ADAM22: variants seen among roughly 807,000 people sequenced by gnomAD.
ADAM22 encodes the protein ADAM metallopeptidase domain 22, also known as disintegrin and metalloproteinase domain-containing protein 22.
Under a neutral mutation model 144.6 loss-of-function variants are expected in ADAM22, and 65 were observed. That is an observed-to-expected ratio of 0.45 (90% CI 0.37 to 0.55). The LOEUF (loss-of-function observed/expected upper bound fraction) is 0.55, where lower values mean the gene tolerates loss of function less well. ADAM22 is among the 20% of genes least tolerant of loss of function. ADAM22 has a pLI of 0.00. For synonymous variants in ADAM22, 391 were observed against 412.6 expected, an observed-to-expected ratio of 0.95 and a Z score of 0.63; for missense variants, 974 against 1,184.9, an observed-to-expected ratio of 0.82 and a Z score of 2.61.
chr7:88,106,937 G>A (rs1824551872), intron 4 of ADAM22, among the ~76,000 whole-genome samples: 1 of 152,078 alleles, frequency 6.6e-6, no homozygotes, highest in African/African-American at 2.4e-5. Flanking sequence ...ATCTCTCTTA[G>A]TAGAATTTTA....
At chr7:88,025,244 G>C (rs142381800) in intron 3 of ADAM22, among the ~76,000 whole-genome samples, 253 of 152,234 alleles carry the variant, frequency 1.7e-3, no homozygotes, top group Middle Eastern at 0.01. Flanking sequence ...TTATTGAGTT[G>C]TTTGAGCTCC....
At chr7:87,989,851 G>A (rs1472803159) in intron 3 of ADAM22, among the ~76,000 whole-genome samples, 1 of 152,038 alleles carries the variant, frequency 6.6e-6, no homozygotes, top group Non-Finnish European at 1.5e-5. Context: ...GGGAGGTGGA[G>A]TTTGCAGTGA....
chr7:88,153,616 A>G (rs778302068), intron 21 of ADAM22, among the ~76,000 whole-genome samples: 3 of 152,148 alleles, frequency 2.0e-5, no homozygotes, highest in Non-Finnish European at 4.4e-5. Context: ...AAGCCACCAG[A>G]ATATGCACTG....
intron 4 of ADAM22, among the ~76,000 whole-genome samples, chr7:88,102,291 C>G (rs891004368): frequency 6.6e-6 from 1 of 152,146 alleles, no homozygotes; most frequent in Non-Finnish European, 1.5e-5. Context: ...GGGGCCCTAC[C>G]TCCTTGGAGA....
chr7:88,058,225 G>A (rs1808817898), intron 3 of ADAM22, among the ~76,000 whole-genome samples: 1 of 152,186 alleles, frequency 6.6e-6, no homozygotes. Context: ...AGAAATAGAG[G>A]TGATGAGATA....
chr7:88,005,045 A>G (rs1350737794), intron 3 of ADAM22, among the ~76,000 whole-genome samples: 1 of 152,118 alleles, frequency 6.6e-6, no homozygotes, highest in Admixed American at 6.6e-5. Flanking sequence ...TAGTAGTCCC[A>G]GCTGTTTGGG....
At chr7:88,172,790 A>G (rs543250371) in intron 26 of ADAM22, among the ~76,000 whole-genome samples, 2 of 152,078 alleles carry the variant, frequency 1.3e-5, no homozygotes, top group Non-Finnish European at 2.9e-5. Context: ...AAGAACAACC[A>G]GATTTCTTCA....
At position 88,151,243 on chromosome 7, in the gene ADAM22, C is replaced by T; in HGVS notation, c.1618-14C>T. 1 of 1,614,038 alleles carries T rather than the reference C, an allele frequency of 6.2e-7. No homozygotes were observed. The highest frequency in any genetic ancestry group is 8.5e-7 in the Non-Finnish European group (1 of 1,179,972). Reference sequence around the variant, plus strand: ...ATATTGCATCGCTAATGGGTATTTGCTTTTCCGTTTTAGGGAATTTGCTTT... The same window carrying T: ...ATATTGCATCGCTAATGGGTATTTGTTTTTCCGTTTTAGGGAATTTGCTTT... On this transcript the variant is annotated splice_polypyrimidine_tract_variant and intron_variant, in intron 19 of 31. Transcript: ENST00000413139.
chr7:88,079,889 A>T (rs1392954135), intron 4 of ADAM22, among the ~76,000 whole-genome samples: 2 of 152,168 alleles, frequency 1.3e-5, no homozygotes, highest in African/African-American at 4.8e-5. Flanking sequence ...CTCCCACACA[A>T]TAATAATGGG....
At chr7:88,078,366 C>G (rs1257753577) in intron 4 of ADAM22, among the ~76,000 whole-genome samples, 2 of 152,156 alleles carry the variant, frequency 1.3e-5, no homozygotes, top group South Asian at 4.1e-4. Context: ...TCATCAAAGA[C>G]CAAAGATAGA....
At chr7:88,061,818 T>C (rs1809952621) in intron 3 of ADAM22, among the ~76,000 whole-genome samples, 1 of 150,492 alleles carries the variant, frequency 6.6e-6, no homozygotes, top group Non-Finnish European at 1.5e-5. Context: ...GTCAGCCTTC[T>C]CTTTCTTTCT....
intron 3 of ADAM22, among the ~76,000 whole-genome samples, chr7:88,017,689 C>T (rs1796850563): frequency 1.3e-5 from 2 of 152,024 alleles, no homozygotes; most frequent in Admixed American, 6.6e-5. Flanking sequence ...CACCTAGTTT[C>T]TACGTCCATC....
intron 23 of ADAM22, among the ~76,000 whole-genome samples, chr7:88,163,433 T>C (rs1586374901): frequency 6.6e-6 from 1 of 152,090 alleles, no homozygotes; most frequent in Non-Finnish European, 1.5e-5. Context: ...TATGATCTCA[T>C]ATAATATAAT....
In ADAM22 at chr7:88,165,702, A is replaced by G. The variant is rs1382614405; in HGVS notation, c.2077-130A>G. 7.5e-6 allele frequency: 4 copies of G among 532,968 alleles called. No individual in the cohort carries two copies. The African/African-American group carries it at 7.9e-5, about 11-fold the overall frequency. 33.0% of individuals were successfully genotyped at this position (532,968 alleles called of 1,614,324 possible). A position where few individuals can be genotyped will look rare whatever the true frequency, so the allele number is the denominator to read the frequency against. On this transcript the variant is annotated intron_variant, in intron 23 of 31. Transcript: ENST00000413139. Reference sequence around the variant, plus strand: ...AGGGAGAAATAATGTAATTAGTATTAAGAAGAACATACTAATAATTTTTTG... The same window carrying G: ...AGGGAGAAATAATGTAATTAGTATTGAGAAGAACATACTAATAATTTTTTG...
chr7:88,191,494 C>T (rs1030471433), intron 30 of ADAM22, among the ~76,000 whole-genome samples: 1 of 152,132 alleles, frequency 6.6e-6, no homozygotes, highest in Non-Finnish European at 1.5e-5. Context: ...AAAGCTGACG[C>T]CAGGTTAATA....
intron 2 of ADAM22, among the ~76,000 whole-genome samples, chr7:87,952,655 A>G (rs1435877667): frequency 6.6e-6 from 1 of 152,074 alleles, no homozygotes; most frequent in Non-Finnish European, 1.5e-5. Flanking sequence ...TGCTGGCCTC[A>G]TAAAATGAGT....
At chr7:88,028,509 T>G (rs186031360) in intron 3 of ADAM22, among the ~76,000 whole-genome samples, 39 of 152,296 alleles carry the variant, frequency 2.6e-4, no homozygotes, top group Non-Finnish European at 5.1e-4. Context: ...TGTTCTATAA[T>G]GCAGATTAAG....
At chr7:88,033,951 C>A (rs184242278) in intron 3 of ADAM22, among the ~76,000 whole-genome samples, 15 of 152,140 alleles carry the variant, frequency 9.9e-5, no homozygotes, top group Non-Finnish European at 2.1e-4. Flanking sequence ...AGTGAGCTCC[C>A]CTCTGGCCCA....
intron 3 of ADAM22, among the ~76,000 whole-genome samples, chr7:88,004,094 C>T (rs1262828846): frequency 6.6e-6 from 1 of 152,172 alleles, no homozygotes; most frequent in African/African-American, 2.4e-5. Context: ...ATTTGAAGTC[C>T]TGGGAAGCTG....
Sources: allele counts gnomAD v4.1 joint callset (sites outside exome capture counted in the v4.1 genomes callset), GRCh38; gene constraint gnomAD v4.1.1; transcripts MANE v1.5; gene names NCBI Gene and HGNC (gene_info 2026-07-23, HGNC 2026-07-21).